Variants in TRABD2B observed in about 807,000 individuals in gnomAD.
TRABD2B encodes metalloprotease TIKI2.
TRABD2B carries 14 observed loss-of-function variants against 40.1 expected under a neutral mutation model. The ratio of observed to expected loss-of-function variants is 0.35; its 90% CI spans 0.23 to 0.55. TRABD2B has a LOEUF of 0.55. TRABD2B is among the 20% of genes least tolerant of loss of function. The pLI, the probability that TRABD2B is intolerant of heterozygous loss-of-function variation, is 0.90. For synonymous variants in TRABD2B, 263 were observed against 277.0 expected (o/e 0.95, Z 0.50); for missense variants, 541 against 648.6 (o/e 0.83, Z 1.80).
intron 2 of TRABD2B, among the ~76,000 whole-genome samples, chr1:47,909,070 G>A (rs917026932): frequency 1.3e-5 from 2 of 152,236 alleles, no homozygotes; most frequent in African/African-American, 2.4e-5. Flanking sequence ...TGGCCTGTGC[G>A]GTTGGTCACC....
At chr1:47,803,073 C>T (rs560975191) in intron 2 of TRABD2B, among the ~76,000 whole-genome samples, 1 of 152,230 alleles carries the variant, frequency 6.6e-6, no homozygotes, top group South Asian at 2.1e-4. Context: ...ATAGGGAAAT[C>T]CGGCTCCCTC....
At chr1:47,823,742 C>A (rs1191632782) in intron 2 of TRABD2B, among the ~76,000 whole-genome samples, 1 of 152,158 alleles carries the variant, frequency 6.6e-6, no homozygotes, top group Non-Finnish European at 1.5e-5. Flanking sequence ...GCAGCCGAGG[C>A]CTGTAAAGAT....
chr1:47,781,023 C>T (rs1291019972), intron 4 of TRABD2B, among the ~76,000 whole-genome samples: 2 of 152,228 alleles, frequency 1.3e-5, no homozygotes, highest in African/African-American at 2.4e-5. Flanking sequence ...AGTGGATGTC[C>T]CTTGGAAAAG....
intron 2 of TRABD2B, among the ~76,000 whole-genome samples, chr1:47,900,174 G>A (rs185714553): frequency 3.9e-4 from 60 of 152,210 alleles, no homozygotes; most frequent in Non-Finnish European, 7.5e-4. Context: ...GGGGGAGGAG[G>A]TCAGAAGAGG....
intron 2 of TRABD2B, among the ~76,000 whole-genome samples, chr1:47,900,055 C>T (rs1644578340): frequency 6.6e-6 from 1 of 152,218 alleles, no homozygotes; most frequent in Non-Finnish European, 1.5e-5. Flanking sequence ...TCTCCCTCTG[C>T]TCCATTTGTT....
At chr1:47,901,246 T>G (rs528882438) in intron 2 of TRABD2B, among the ~76,000 whole-genome samples, 1 of 152,192 alleles carries the variant, frequency 6.6e-6, no homozygotes, top group East Asian at 1.9e-4. Context: ...CAAGTGGCAC[T>G]TGGAACAAGT....
chr1:47,910,713 G>A (rs1644751546), intron 2 of TRABD2B, among the ~76,000 whole-genome samples: 1 of 152,200 alleles, frequency 6.6e-6, no homozygotes, highest in Non-Finnish European at 1.5e-5. Context: ...CGGAGCCTGT[G>A]TCTTCCTCTA....
At chr1:47,974,049 A>G (rs1645720244) in intron 2 of TRABD2B, among the ~76,000 whole-genome samples, 1 of 152,200 alleles carries the variant, frequency 6.6e-6, no homozygotes, top group Non-Finnish European at 1.5e-5. Context: ...GGCTGCAGTG[A>G]GCCATGATCA....
chr1:47,786,010 G>T (rs1262272043), intron 4 of TRABD2B, among the ~76,000 whole-genome samples: 1 of 152,216 alleles, frequency 6.6e-6, no homozygotes, highest in Non-Finnish European at 1.5e-5. Context: ...TGGGAGTCCT[G>T]TTCTTAGAGG....
chr1:47,854,611 T>C (rs886128928), intron 2 of TRABD2B, among the ~76,000 whole-genome samples: 5 of 152,144 alleles, frequency 3.3e-5, no homozygotes, highest in African/African-American at 4.8e-5. Context: ...CAAGTAATAA[T>C]GACACTAACG....
At chr1:47,979,916 G>C (rs1645816621) in intron 2 of TRABD2B, among the ~76,000 whole-genome samples, 2 of 152,254 alleles carry the variant, frequency 1.3e-5, no homozygotes, top group African/African-American at 4.8e-5. Flanking sequence ...GGGTTGGGAA[G>C]GTACAGACAA....
intron 4 of TRABD2B, among the ~76,000 whole-genome samples, chr1:47,784,342 C>T (rs1263559921): frequency 2.0e-5 from 3 of 152,156 alleles, no homozygotes; most frequent in Admixed American, 6.5e-5. Flanking sequence ...TTCACCAGAT[C>T]GGAGAGGAGA....
chr1:47,819,003 TTA>T (rs1194543901), intron 2 of TRABD2B: 1 of 152,280 alleles, frequency 6.6e-6, no homozygotes, highest in Admixed American at 6.5e-5. Flanking sequence ...TTCTAATTTT[TTA>T]AAAATGTATG....
At chr1:47,995,872 A>C (rs1277169398) in intron 1 of TRABD2B, among the ~76,000 whole-genome samples, 1 of 152,204 alleles carries the variant, frequency 6.6e-6, no homozygotes, top group Non-Finnish European at 1.5e-5. Context: ...CACCTTGCCC[A>C]AGGTCAGCGA....
intron 2 of TRABD2B, among the ~76,000 whole-genome samples, chr1:47,930,532 G>A (rs1645026882): frequency 6.6e-6 from 1 of 152,178 alleles, no homozygotes; most frequent in Admixed American, 6.5e-5. Flanking sequence ...CCTCCTCCCT[G>A]CTACTGCCCT....
chr1:47,967,593 A>G (rs1450488072), intron 2 of TRABD2B, among the ~76,000 whole-genome samples: 2 of 152,322 alleles, frequency 1.3e-5, no homozygotes, highest in East Asian at 3.9e-4. Context: ...CAACCAATAC[A>G]CTGCAAAGGA....
At chr1:47,925,200 T>C (rs757683421) in intron 2 of TRABD2B, among the ~76,000 whole-genome samples, 106 of 152,340 alleles carry the variant, frequency 7.0e-4, no homozygotes, top group Non-Finnish European at 1.3e-3. Flanking sequence ...AAAACATCCC[T>C]ATCCCATCCT....
At chr1:47,979,118 C>T (rs991287309) in intron 2 of TRABD2B, among the ~76,000 whole-genome samples, 5 of 152,166 alleles carry the variant, frequency 3.3e-5, no homozygotes, top group Non-Finnish European at 7.3e-5. Context: ...CAAGGACTGC[C>T]GTGGGAAGTG....
At chr1:47,980,061 A>G (rs1645818732) in intron 2 of TRABD2B, among the ~76,000 whole-genome samples, 1 of 152,146 alleles carries the variant, frequency 6.6e-6, no homozygotes, top group Non-Finnish European at 1.5e-5. Flanking sequence ...ATGAAGCCCA[A>G]ACTTCTTAAT....
Sources: gnomAD v4.1 joint callset for allele counts (sites outside exome capture counted in the v4.1 genomes callset) on GRCh38, gnomAD v4.1.1 for gene constraint, MANE v1.5 for transcripts, NCBI Gene and HGNC (gene_info 2026-07-23, HGNC 2026-07-21) for gene names.